Variants in TLE1 observed in about 807,000 individuals in gnomAD.
TLE1 encodes transducin-like enhancer protein 1.
Under a neutral mutation model 89.8 loss-of-function variants are expected in TLE1, and 21 were observed. That is an observed-to-expected ratio of 0.23 (90% CI 0.17 to 0.34). The LOEUF is 0.34. Ranked by LOEUF, TLE1 falls within the 10% of genes least tolerant of loss-of-function variation. TLE1 has a pLI of 1.00. For synonymous variants in TLE1, 447 were observed against 407.6 expected (o/e 1.10, Z -1.16); for missense variants, 795 against 1,031.2 (o/e 0.77, Z 3.14).
intron 11 of TLE1, among the ~76,000 whole-genome samples, chr9:81,614,704 C>T (rs896781571): frequency 1.3e-5 from 2 of 152,088 alleles, no homozygotes; most frequent in African/African-American, 4.8e-5. Flanking sequence ...ATGATGCAGT[C>T]TACAAAGTTT....
rs374977974 is a variant in TLE1, at chr9:81,593,290, T to C, written c.1332-16A>G. 12 of 1,596,018 alleles carry C rather than the reference T, an allele frequency of 7.5e-6. No homozygotes were observed. Among genetic ancestry groups the C allele is most frequent in the Admixed American group, 3.4e-5 (2 of 59,400 alleles). ...GGAGTATGCACTTTTGGAAAAACGATTGGAGAGAAGACAGAAAACACATTT... is the reference window on the plus strand; with the variant it reads ...GGAGTATGCACTTTTGGAAAAACGACTGGAGAGAAGACAGAAAACACATTT... On this transcript the variant is annotated splice_polypyrimidine_tract_variant and intron_variant, in intron 14 of 19. Coordinates refer to ENST00000376499, the MANE Select transcript of TLE1 (RefSeq NM_005077.5).
Position 81,634,235 on chromosome 9 carries a change from G to A in TLE1, c.439C>T (p.Pro147Ser). 2 of 1,587,292 alleles carry A rather than the reference G, an allele frequency of 1.3e-6. No individual in the cohort carries two copies. The highest frequency in any genetic ancestry group is 1.7e-6 in the Non-Finnish European group (2 of 1,164,910). The change falls in exon 7 of 20, where the codon CCT becomes TCT. Residue 147 changes from proline (P) to serine (S), a missense_variant. Pro to Ser is a moderately conservative substitution (Grantham distance 74, BLOSUM62 -1). Coordinates refer to ENST00000376499, the MANE Select transcript of TLE1 (RefSeq NM_005077.5). ...ATTCCAGGAGGCTGAAGTCCCGAAG[G>A]GTGAGGCGTAAGGGGAACTGGGGGT... ...HGPPVPLTPH[P>S]SGLQPPGIPP... is the part of the protein sequence containing the mutation.
intron 6 of TLE1, 92 bp downstream of exon 6, chr9:81,652,106 TACACACACACACACAC>T (rs3045544): frequency 4.3e-6 from 3 of 695,124 alleles, no homozygotes; most frequent in African/African-American, 4.0e-5. Context: ...AACGTTAAGA[TACACACACACACACAC>T]ACACACACAC....
chr9:81,589,991 C>T (rs563790160), intron 16 of TLE1, among the ~76,000 whole-genome samples: 1 of 152,314 alleles, frequency 6.6e-6, no homozygotes, highest in South Asian at 2.1e-4. Flanking sequence ...TGGAGCCCGT[C>T]CCTTCTCTGT....
Position 81,626,405 on chromosome 9 carries a change from C to A in TLE1, c.595-5848G>T, listed in dbSNP as rs551982571. Among the ~76,000 whole-genome samples the A allele has an allele frequency of 2.6e-5, 4 of 152,300 alleles. No homozygotes were observed. The East Asian group carries it at 7.7e-4, about 29-fold the overall frequency. On this transcript the variant is annotated intron_variant, in intron 8 of 19. Coordinates refer to ENST00000376499, the MANE Select transcript of TLE1 (RefSeq NM_005077.5). ...ACCTGGTGTCAATCAAGCCATCACC[C>A]TGCGCTGCACTTTTTGCTACGGTCC...
At chr9:81,603,675 C>T (rs1359908726) in intron 14 of TLE1, among the ~76,000 whole-genome samples, 1 of 152,178 alleles carries the variant, frequency 6.6e-6, no homozygotes, top group African/African-American at 2.4e-5. Context: ...TTTTTCTTGT[C>T]ATGTCTTCAC....
chr9:81,596,715 C>T (rs1234180112), intron 14 of TLE1, among the ~76,000 whole-genome samples: 7 of 152,160 alleles, frequency 4.6e-5, no homozygotes, highest in African/African-American at 1.7e-4. Flanking sequence ...TCTAGAATTT[C>T]GAACACAGGC....
chr9:81,652,898 C>T (rs910783934), intron 5 of TLE1, among the ~76,000 whole-genome samples: 1 of 152,158 alleles, frequency 6.6e-6, no homozygotes, highest in Non-Finnish European at 1.5e-5. Flanking sequence ...TTCGGAAACT[C>T]CTGGAATTCC....
At chr9:81,683,305 G>T (rs1401153402) in intron 4 of TLE1, among the ~76,000 whole-genome samples, 1 of 151,306 alleles carries the variant, frequency 6.6e-6, no homozygotes, top group African/African-American at 2.4e-5. Context: ...CTAGCATTTG[G>T]TTATAAGCCA....
chr9:81,665,804 G>A (rs1430740672), intron 4 of TLE1, among the ~76,000 whole-genome samples: 1 of 151,762 alleles, frequency 6.6e-6, no homozygotes, highest in African/African-American at 2.4e-5. Flanking sequence ...TGCAATGATG[G>A]TCTTTTGATT....
At chr9:81,584,965 C>CCATCCAT (rs1828152208) in intron 18 of TLE1, among the ~76,000 whole-genome samples, 1 of 149,378 alleles carries the variant, frequency 6.7e-6, no homozygotes, top group African/African-American at 2.5e-5. Flanking sequence ...CACTCATCCA[C>CCATCCAT]CCATCCATCC....
chr9:81,662,797 T>C (rs1337830159), intron 4 of TLE1, among the ~76,000 whole-genome samples: 2 of 152,148 alleles, frequency 1.3e-5, no homozygotes, highest in African/African-American at 2.4e-5. Context: ...GACCTTTTTT[T>C]CTTCCCTCCA....
In TLE1 at chr9:81,655,969, T is replaced by G. The variant is rs570790614; in HGVS notation, c.235-1933A>C. On this transcript the variant is annotated intron_variant, in intron 4 of 19. Transcript: ENST00000376499. ...TGATCTGAATTAACTAAGCAAAGTCTTTGGTTTTATAAGATTGGATTTAGT... is the reference window on the plus strand; with the variant it reads ...TGATCTGAATTAACTAAGCAAAGTCGTTGGTTTTATAAGATTGGATTTAGT... Among the ~76,000 whole-genome samples the G allele has an allele frequency of 2.0e-5, 3 of 152,200 alleles. No homozygotes were observed. The South Asian group carries it at 6.2e-4, about 32-fold the overall frequency.
At chr9:81,605,724 C>G (rs1289542066) in intron 14 of TLE1, among the ~76,000 whole-genome samples, 1 of 151,610 alleles carries the variant, frequency 6.6e-6, no homozygotes, top group Non-Finnish European at 1.5e-5. Context: ...GACTTCATGA[C>G]TAAAACACCA....
At chr9:81,635,842 CA>C (rs1001514124) in intron 6 of TLE1, among the ~76,000 whole-genome samples, 1 of 152,082 alleles carries the variant, frequency 6.6e-6, no homozygotes, top group Non-Finnish European at 1.5e-5. Context: ...AATGAATTTT[CA>C]AGCACTCCAA....
chr9:81,663,413 A>G (rs1831065845), intron 4 of TLE1, among the ~76,000 whole-genome samples: 1 of 152,146 alleles, frequency 6.6e-6, no homozygotes, highest in South Asian at 2.1e-4. Flanking sequence ...TTGGGAGATA[A>G]AACAAGAAAG....
intron 4 of TLE1, among the ~76,000 whole-genome samples, chr9:81,675,718 T>TTTTTTTTTTTTTTTTTTA (rs1432501092): frequency 6.7e-6 from 1 of 149,858 alleles, no homozygotes; most frequent in Non-Finnish European, 1.5e-5. Context: ...GTTTTTTTTT[T>TTTTTTTTTTTTTTTTTTA]TGAGACGGAG....
chr9:81,676,832 G>A (rs1046373802), intron 4 of TLE1, among the ~76,000 whole-genome samples: 1 of 152,234 alleles, frequency 6.6e-6, no homozygotes, highest in Non-Finnish European at 1.5e-5. Context: ...GAGCAGTGGG[G>A]ACACTGGGCA....
At chr9:81,649,633 C>T (rs929160774) in intron 6 of TLE1, among the ~76,000 whole-genome samples, 1 of 152,132 alleles carries the variant, frequency 6.6e-6, no homozygotes, top group African/African-American at 2.4e-5. Context: ...AGAGCGTGGC[C>T]TCTCCCATTG....
Sources: allele counts gnomAD v4.1 joint callset (sites outside exome capture counted in the v4.1 genomes callset), GRCh38; gene constraint gnomAD v4.1.1; transcripts MANE v1.5; gene names NCBI Gene and HGNC (gene_info 2026-07-23, HGNC 2026-07-21).